Variants in MAGI1 observed in about 807,000 individuals in gnomAD.
MAGI1 encodes the protein membrane associated guanylate kinase, WW and PDZ domain containing 1.
A neutral mutation model predicts 139.9 loss-of-function variants in MAGI1; 58 were observed. That is an observed-to-expected ratio of 0.41 (90% confidence interval 0.34 to 0.52). MAGI1 has a LOEUF of 0.52. Ranked by LOEUF, MAGI1 falls within the 20% of genes least tolerant of loss-of-function variation. MAGI1 has a pLI of 0.12. For synonymous variants in MAGI1, 812 were observed against 737.9 expected, an observed-to-expected ratio of 1.10 and a Z score of -1.63; for missense variants, 1,874 against 1,901.6, an observed-to-expected ratio of 0.99 and a Z score of 0.27.
At chr3:65,853,484 C>T (rs1405419896) in intron 1 of MAGI1, among the ~76,000 whole-genome samples, 1 of 152,092 alleles carries the variant, frequency 6.6e-6, no homozygotes, top group African/African-American at 2.4e-5. Context: ...GTTTCAATAT[C>T]AAAAGTCTAA....
intron 2 of MAGI1, among the ~76,000 whole-genome samples, chr3:65,551,727 C>T (rs1031348677): frequency 2.0e-5 from 3 of 152,206 alleles, no homozygotes; most frequent in Non-Finnish European, 4.4e-5. Flanking sequence ...ATGATTTTTC[C>T]ATGTGACTTA....
chr3:65,461,558 G>C (rs898793987), intron 5 of MAGI1, among the ~76,000 whole-genome samples: 1 of 145,550 alleles, frequency 6.9e-6, no homozygotes, highest in African/African-American at 2.5e-5. Flanking sequence ...GCGTGATCTT[G>C]GCTCACTGCA....
chr3:65,839,450 C>A (rs1250172037), intron 1 of MAGI1, among the ~76,000 whole-genome samples: 1 of 151,854 alleles, frequency 6.6e-6, no homozygotes, highest in East Asian at 1.9e-4. Context: ...GCAGGTCCTT[C>A]AGGAAGCATT....
intron 2 of MAGI1, among the ~76,000 whole-genome samples, chr3:65,529,130 A>AT (rs11405350): frequency 0.47 from 70,924 of 151,036 alleles, 18,059 homozygotes; most frequent in African/African-American, 0.68. Flanking sequence ...TTTTTTTAAA[A>AT]TAAAAAAAAA....
intron 1 of MAGI1, among the ~76,000 whole-genome samples, chr3:65,638,214 G>T (rs2084755678): frequency 6.6e-6 from 1 of 152,090 alleles, no homozygotes; most frequent in Admixed American, 6.6e-5. Flanking sequence ...CTGTCATGAG[G>T]ACTAAATGAG....
At chr3:65,616,405 G>A (rs1576490376) in intron 2 of MAGI1, among the ~76,000 whole-genome samples, 1 of 152,174 alleles carries the variant, frequency 6.6e-6, no homozygotes, top group East Asian at 1.9e-4. Flanking sequence ...AAATAGAAAA[G>A]AGATAGAGTC....
rs141555460 is a variant in MAGI1 at position 65,686,568 on chromosome 3, G to C, written c.314-64480C>G. Among the ~76,000 whole-genome samples, 1,051 of 152,298 alleles carry C rather than the reference G, an allele frequency of 6.9e-3. 17 individuals carry two copies. Among genetic ancestry groups the C allele is most frequent in the African/African-American group, 0.024 (1,000 of 41,554 alleles). Reference sequence around the variant, plus strand: ...GGCCTCCCAAAGTGCTGGGATTACAGGCATGAGCCATCGCACCCAGCCCTG... The same window carrying C: ...GGCCTCCCAAAGTGCTGGGATTACACGCATGAGCCATCGCACCCAGCCCTG... On this transcript the variant is annotated intron_variant, in intron 1 of 22. Coordinates refer to ENST00000402939, the MANE Select transcript of MAGI1 (RefSeq NM_001033057.2).
chr3:65,985,534 T>C (rs2065835701), intron 1 of MAGI1, among the ~76,000 whole-genome samples: 1 of 152,188 alleles, frequency 6.6e-6, no homozygotes, highest in African/African-American at 2.4e-5. Context: ...CTCCAAAAGA[T>C]TACATGGAAT....
chr3:65,983,585 A>C (rs2065704848), intron 1 of MAGI1, among the ~76,000 whole-genome samples: 1 of 152,186 alleles, frequency 6.6e-6, no homozygotes, highest in African/African-American at 2.4e-5. Flanking sequence ...TTATGTTTTA[A>C]AATTTTTTAA....
At chr3:65,508,726 G>A (rs1479242707) in intron 2 of MAGI1, among the ~76,000 whole-genome samples, 1 of 152,172 alleles carries the variant, frequency 6.6e-6, no homozygotes, top group African/African-American at 2.4e-5. Context: ...TCATTAAAAG[G>A]AAATGGATAC....
At chr3:65,645,498 T>G (rs961146930) in intron 1 of MAGI1, among the ~76,000 whole-genome samples, 1 of 152,034 alleles carries the variant, frequency 6.6e-6, no homozygotes, top group Non-Finnish European at 1.5e-5. Context: ...TAACAAAAAA[T>G]TAATAGACTT....
chr3:65,854,403 T>C (rs2059305809), intron 1 of MAGI1, among the ~76,000 whole-genome samples: 3 of 152,192 alleles, frequency 2.0e-5, no homozygotes, highest in Admixed American at 1.3e-4. Context: ...GACAGTGCTT[T>C]GTACATACAA....
At chr3:65,623,185 GAGACAT>G (rs2083776794) in intron 1 of MAGI1, among the ~76,000 whole-genome samples, 1 of 152,194 alleles carries the variant, frequency 6.6e-6, no homozygotes, top group Non-Finnish European at 1.5e-5. Flanking sequence ...GACAGAGAGA[GAGACAT>G]AGACATAGAC....
chr3:66,022,344 T>C (rs1237879613), intron 1 of MAGI1, among the ~76,000 whole-genome samples: 1 of 152,222 alleles, frequency 6.6e-6, no homozygotes, highest in African/African-American at 2.4e-5. Flanking sequence ...AACAGCTACA[T>C]GAATTTTTCC....
chr3:65,746,814 G>A (rs2035749613), intron 1 of MAGI1, among the ~76,000 whole-genome samples: 1 of 143,258 alleles, frequency 7.0e-6, no homozygotes, highest in South Asian at 2.2e-4. Flanking sequence ...CACTGACTCA[G>A]TAAGTATATT....
intron 1 of MAGI1, among the ~76,000 whole-genome samples, chr3:65,886,230 T>C (rs947881653): frequency 1.3e-5 from 2 of 152,190 alleles, no homozygotes; most frequent in Admixed American, 1.3e-4. Context: ...AAAGTTCATA[T>C]GTAAATGTCC....
At chr3:65,949,059 A>G (rs1366868882) in intron 1 of MAGI1, among the ~76,000 whole-genome samples, 2 of 152,198 alleles carry the variant, frequency 1.3e-5, no homozygotes, top group East Asian at 3.9e-4. Flanking sequence ...CAGACACTCT[A>G]TATTCCTCAA....
At chr3:65,916,808 C>T (rs189478625) in intron 1 of MAGI1, among the ~76,000 whole-genome samples, 57 of 152,184 alleles carry the variant, frequency 3.7e-4, no homozygotes, top group African/African-American at 1.4e-3. Flanking sequence ...CACATACACA[C>T]ACACACACCC....
Position 65,752,681 on chromosome 3 carries a change from A to C in MAGI1, c.314-130593T>G, listed in dbSNP as rs577703678. On this transcript the variant is annotated intron_variant, in intron 1 of 22. Coordinates refer to ENST00000402939, the MANE Select transcript of MAGI1 (RefSeq NM_001033057.2). ...TTGATCAAACTTTAGTCTGGTTCCTATGAGCCCTCTTTTTGGACTAGGCCT... is the reference window on the plus strand; with the variant it reads ...TTGATCAAACTTTAGTCTGGTTCCTCTGAGCCCTCTTTTTGGACTAGGCCT... Among the ~76,000 whole-genome samples, 7 of 152,274 alleles carry C rather than the reference A, an allele frequency of 4.6e-5. No individual in the cohort carries two copies. In the South Asian group the frequency reaches 1.5e-3, roughly 32 times the overall value.
Sources: allele counts gnomAD v4.1 joint callset (sites outside exome capture counted in the v4.1 genomes callset), GRCh38; gene constraint gnomAD v4.1.1; transcripts MANE v1.5; gene names NCBI Gene and HGNC (gene_info 2026-07-23, HGNC 2026-07-21).